The following COL4A5 variants were observed in gnomAD, a reference collection of about 807,000 sequenced individuals.
The protein encoded by COL4A5 is collagen alpha-5(IV) chain.
In COL4A5, 26 loss-of-function variants were observed where a neutral mutation model predicts 130.2. That is an observed-to-expected ratio of 0.20 (90% CI 0.15 to 0.28). COL4A5 has a LOEUF of 0.28. COL4A5 is among the 10% of genes least tolerant of loss of function. COL4A5 has a pLI of 1.00. For missense variants in COL4A5, 1,131 were observed against 1,344.3 expected, an observed-to-expected ratio of 0.84 and a Z score of 2.48; for synonymous variants, 496 against 439.6, an observed-to-expected ratio of 1.13 and a Z score of -1.60.
At position 108,655,402 on chromosome X, in the gene COL4A5, C is replaced by T. The variant is rs766814684; in HGVS notation, c.3318C>T (p.Pro1106=). ...GTTCTGTGGGAGATCCTGGTTTGCC[C>T]GGATTACCAGGAACCCCTGGAGCAA... ...IKGSVGDPGL[P]GLPGTPGAKG... Residue 1106 remains proline (P), a synonymous_variant, in exon 37 of 53, where the codon CCC becomes CCT. Coordinates refer to ENST00000328300, the MANE Select transcript of COL4A5 (RefSeq NM_033380.3). 1.3e-5 allele frequency: 16 copies of T among 1,210,649 alleles called. No individual in the cohort carries two copies. The highest frequency in any genetic ancestry group is 2.2e-5 in the Admixed American group (1 of 45,934).
chrX:108,602,343 A>G (rs1009326313), intron 27 of COL4A5, among the ~76,000 whole-genome samples: 1 of 112,230 alleles, frequency 8.9e-6, no homozygotes, highest in Admixed American at 9.4e-5. Context: ...TAAACAGAAA[A>G]CAGACTTATT....
rs746681053 is a variant in COL4A5, at chrX:108,686,101, A to G, written c.4287A>G (p.Lys1429=). 1 of 1,210,483 alleles carries G rather than the reference A, an allele frequency of 8.3e-7. No individual in the cohort carries two copies. Among genetic ancestry groups the G allele is most frequent in the East Asian group, 3.0e-5 (1 of 33,793 alleles). ...LPGFDGAGGR[K]GDPGLPGQPG... ...GCTTTGATGGTGCAGGAGGGCGCAAAGGAGACCCAGGTCTGCCAGGACAGC... is the reference window on the plus strand; with the variant it reads ...GCTTTGATGGTGCAGGAGGGCGCAAGGGAGACCCAGGTCTGCCAGGACAGC... The change falls in exon 48 of 53, where the codon AAA becomes AAG. Residue 1429 remains lysine (K), a synonymous_variant. Coordinates refer to ENST00000328300, the MANE Select transcript of COL4A5 (RefSeq NM_033380.3).
chrX:108,567,150 C>T (rs1228279221), intron 4 of COL4A5, among the ~76,000 whole-genome samples: 1 of 110,989 alleles, frequency 9.0e-6, no homozygotes, highest in Non-Finnish European at 1.9e-5. Context: ...TTCTTGAAAA[C>T]CATTAATTAT....
chrX:108,667,691 C>T (rs746017941), intron 40 of COL4A5, among the ~76,000 whole-genome samples: 6 of 109,947 alleles, frequency 5.5e-5, no homozygotes, highest in African/African-American at 9.9e-5. Context: ...TCTGAAATGA[C>T]GACTGGCCAT....
At chrX:108,495,736 C>G (rs982435194) in intron 1 of COL4A5, among the ~76,000 whole-genome samples, 1 of 112,142 alleles carries the variant, frequency 8.9e-6, no homozygotes, top group Non-Finnish European at 1.9e-5. Context: ...ATGACCCGTT[C>G]TATGGATATC....
chrX:108,557,057 C>T (rs10521519), intron 2 of COL4A5, among the ~76,000 whole-genome samples: 11,623 of 111,104 alleles, frequency 0.1, 1,293 homozygotes, highest in African/African-American at 0.34. Flanking sequence ...TATCTGTAGG[C>T]GAGATAGCAG....
rs781440133 is a variant in COL4A5, at chrX:108,554,315, G to A, written c.142-4749G>A. Among the ~76,000 whole-genome samples, 152 of 111,437 alleles carry A rather than the reference G, an allele frequency of 1.4e-3. 1 individual carries two copies. Among genetic ancestry groups the A allele is most frequent in the Non-Finnish European group, 3.0e-4 (16 of 53,042 alleles). On this transcript the variant is annotated intron_variant, in intron 2 of 52. Transcript: ENST00000328300. ...TCATGGCAGAAGGCTTAGGGGAAGCGGGCACCTTCTTCACAAGGCAGCGGG... is the reference window on the plus strand; with the variant it reads ...TCATGGCAGAAGGCTTAGGGGAAGCAGGCACCTTCTTCACAAGGCAGCGGG...
chrX:108,627,094 A>G (rs2067167589), intron 36 of COL4A5: 1 of 651,218 alleles, frequency 1.5e-6, no homozygotes, highest in Non-Finnish European at 1.8e-6. Flanking sequence ...CTTTATTTTG[A>G]TCATCTAATT....
intron 36 of COL4A5, among the ~76,000 whole-genome samples, chrX:108,632,273 A>G (rs778828070): frequency 9.0e-6 from 1 of 111,220 alleles, no homozygotes; most frequent in East Asian, 2.8e-4. Flanking sequence ...CCCCAAGACT[A>G]AACCAGGAAG....
chrX:108,681,308 G>A (rs1395217054), intron 46 of COL4A5, among the ~76,000 whole-genome samples: 1 of 110,241 alleles, frequency 9.1e-6, no homozygotes, highest in African/African-American at 3.3e-5. Context: ...TTTCCTAAGA[G>A]GCTTATAGAG....
rs2068737046 is a variant in COL4A5, at chrX:108,696,502, T to C, written c.*124T>C. ...CCGTCAATGGTGCTACTATATATGA[T>C]CAAGATAACATGCTGACTAGTAACC... On this transcript the variant is annotated 3_prime_UTR_variant, in exon 53 of 53. Coordinates refer to ENST00000328300, the MANE Select transcript of COL4A5 (RefSeq NM_033380.3). The C allele has an allele frequency of 4.0e-6, 2 of 499,676 alleles. No individual in the cohort carries two copies. The highest frequency in any genetic ancestry group is 2.3e-5 in the African/African-American group (1 of 42,742). 41.2% of individuals were successfully genotyped at this position (499,676 alleles called of 1,213,427 possible). A position where few individuals can be genotyped will look rare whatever the true frequency, so the allele number is the denominator to read the frequency against.
At chrX:108,648,095 T>C (rs1481218203) in intron 36 of COL4A5, among the ~76,000 whole-genome samples, 1 of 111,090 alleles carries the variant, frequency 9.0e-6, no homozygotes, top group Non-Finnish European at 1.9e-5. Flanking sequence ...GCTGGCCTCA[T>C]AAAATGAGTT....
At chrX:108,644,719 G>T (rs2067538521) in intron 36 of COL4A5, among the ~76,000 whole-genome samples, 1 of 110,804 alleles carries the variant, frequency 9.0e-6, no homozygotes, top group African/African-American at 3.3e-5. Context: ...GGCCAACATG[G>T]TGAAACCTTA....
At chrX:108,507,660 T>C (rs1483408182) in intron 1 of COL4A5, among the ~76,000 whole-genome samples, 1 of 110,576 alleles carries the variant, frequency 9.0e-6, no homozygotes, top group East Asian at 2.8e-4. Context: ...TACAAAACAT[T>C]AGCTGGGCAT....
At chrX:108,572,547 A>G in intron 8 of COL4A5, among the ~76,000 whole-genome samples, 1 of 111,447 alleles carries the variant, frequency 9.0e-6, no homozygotes, top group Middle Eastern at 4.7e-3. Context: ...ACCTCATTCA[A>G]TTCCATCACT....
chrX:108,506,923 A>G (rs1392616747), intron 1 of COL4A5, among the ~76,000 whole-genome samples: 3 of 111,021 alleles, frequency 2.7e-5, no homozygotes, highest in Non-Finnish European at 3.8e-5. Context: ...CATTGTTTAT[A>G]CATCTTTTCA....
intron 1 of COL4A5, among the ~76,000 whole-genome samples, chrX:108,444,958 A>G (rs781520218): frequency 8.9e-6 from 1 of 111,843 alleles, no homozygotes; most frequent in African/African-American, 3.2e-5. Context: ...CTTTCAGCAA[A>G]ATAGTAATCT....
chrX:108,571,223 G>A (rs368567716), intron 6 of COL4A5, among the ~76,000 whole-genome samples, 190 bp from the exon 7 acceptor site: 2 of 111,603 alleles, frequency 1.8e-5, no homozygotes, highest in South Asian at 3.7e-4. Context: ...AGATGAATTG[G>A]GATAAAAGTT....
At chrX:108,692,479 A>G (rs192771113) in intron 49 of COL4A5, among the ~76,000 whole-genome samples, 4 of 111,905 alleles carry the variant, frequency 3.6e-5, no homozygotes, top group African/African-American at 1.3e-4. Flanking sequence ...ATAAGACACC[A>G]TTGTTTATAA....
Sources: gnomAD v4.1 joint callset for allele counts (sites outside exome capture counted in the v4.1 genomes callset) on GRCh38, gnomAD v4.1.1 for gene constraint, MANE v1.5 for transcripts, NCBI Gene and HGNC (gene_info 2026-07-23, HGNC 2026-07-21) for gene names.